Variants in MALRD1 observed in about 807,000 individuals in gnomAD.
MALRD1 encodes MAM and LDL receptor class A domain containing 1, also known as MAM and LDL-receptor class A domain-containing protein 1.
Under a neutral mutation model 242.1 loss-of-function variants are expected in MALRD1, and 247 were observed. That is an observed-to-expected ratio of 1.02 (90% CI 0.92 to 1.13). The LOEUF (loss-of-function observed/expected upper bound fraction) is 1.13. MALRD1 is among the 50% of genes most tolerant of loss of function. MALRD1 has a pLI of 0.00. For synonymous variants in MALRD1, 995 were observed against 866.6 expected (o/e 1.15, Z -2.60); for missense variants, 2,989 against 2,533.1 (o/e 1.18, Z -3.86).
intron 14 of MALRD1, among the ~76,000 whole-genome samples, chr10:19,196,685 G>GTAT (rs1474305532): frequency 1.3e-5 from 2 of 151,842 alleles, no homozygotes; most frequent in Non-Finnish European, 1.5e-5. Context: ...ATACCTAATA[G>GTAT]GAACAGCAAG....
chr10:19,656,727 G>A (rs1328613182), intron 36 of MALRD1, among the ~76,000 whole-genome samples: 2 of 152,138 alleles, frequency 1.3e-5, no homozygotes, highest in Non-Finnish European at 2.9e-5. Flanking sequence ...TGAGTGGTAT[G>A]ATGATTTTAG....
intron 28 of MALRD1, among the ~76,000 whole-genome samples, chr10:19,390,147 T>G (rs940524771): frequency 1.9e-4 from 29 of 152,236 alleles, no homozygotes; most frequent in African/African-American, 6.8e-4. Context: ...ACTCATTATA[T>G]AATAGTAATT....
At chr10:19,648,031 C>G (rs1840723822) in intron 36 of MALRD1, among the ~76,000 whole-genome samples, 1 of 152,010 alleles carries the variant, frequency 6.6e-6, no homozygotes, top group East Asian at 1.9e-4. Flanking sequence ...GCTGGAGCTA[C>G]TGGAATTTGC....
chr10:19,536,317 C>T (rs1834671028), intron 32 of MALRD1, among the ~76,000 whole-genome samples: 1 of 151,454 alleles, frequency 6.6e-6, no homozygotes, highest in Non-Finnish European at 1.5e-5. Flanking sequence ...TTCCAGCTCC[C>T]ATAGAACATG....
intron 36 of MALRD1, among the ~76,000 whole-genome samples, chr10:19,616,606 A>G (rs1839169464): frequency 6.6e-6 from 1 of 152,042 alleles, no homozygotes; most frequent in Non-Finnish European, 1.5e-5. Context: ...ACCAATGGAT[A>G]TATCACTTTC....
chr10:19,668,815 G>C (rs1841793996), intron 36 of MALRD1, among the ~76,000 whole-genome samples: 1 of 151,810 alleles, frequency 6.6e-6, no homozygotes, highest in African/African-American at 2.4e-5. Context: ...GGAAAAAAAA[G>C]AAAATTTAAG....
intron 36 of MALRD1, among the ~76,000 whole-genome samples, chr10:19,646,723 A>G (rs1840676843): frequency 6.6e-6 from 1 of 152,210 alleles, no homozygotes; most frequent in Non-Finnish European, 1.5e-5. Context: ...GACACTCAAA[A>G]CAGTGTCTGG....
At chr10:19,470,749 A>G (rs970235038) in intron 29 of MALRD1, among the ~76,000 whole-genome samples, 2 of 146,464 alleles carry the variant, frequency 1.4e-5, no homozygotes, top group African/African-American at 5.1e-5. Flanking sequence ...ATGTCCATTC[A>G]GGGTCTTTGG....
intron 28 of MALRD1, among the ~76,000 whole-genome samples, chr10:19,449,829 AC>A (rs1295760017): frequency 1.3e-5 from 2 of 152,168 alleles, no homozygotes; most frequent in Admixed American, 1.3e-4. Flanking sequence ...GTACCCCTGA[AC>A]CTAAAATAAA....
At chr10:19,583,730 T>C (rs1315571349) in intron 33 of MALRD1, among the ~76,000 whole-genome samples, 1 of 151,868 alleles carries the variant, frequency 6.6e-6, no homozygotes, top group African/African-American at 2.4e-5. Context: ...AGGATGATGC[T>C]GGCCTCATAA....
chr10:19,238,448 TTA>T (rs1564492445), intron 18 of MALRD1, among the ~76,000 whole-genome samples: 28 of 57,264 alleles, frequency 4.9e-4, no homozygotes, highest in African/African-American at 2.3e-3. Flanking sequence ...ATAATATACA[TTA>T]TATATAATAT....
chr10:19,109,252 G>C lies in MALRD1; in HGVS notation c.694+5177G>C, dbSNP rs538759100. 2.0e-3 allele frequency among the ~76,000 whole-genome samples: 299 copies of C among 152,272 alleles called. 3 individuals carry two copies. The highest frequency in any genetic ancestry group is 6.9e-3 in the African/African-American group (286 of 41,550). On this transcript the variant is annotated intron_variant, in intron 5 of 39. Coordinates refer to ENST00000454679, the MANE Select transcript of MALRD1 (RefSeq NM_001142308.3). Reference sequence around the variant, plus strand: ...TGAATGCCAAGTGTGCATGAGAGCTGTTCTATTACTGGGTCAAGCGTTACC... The same window carrying C: ...TGAATGCCAAGTGTGCATGAGAGCTCTTCTATTACTGGGTCAAGCGTTACC...
chr10:19,305,512 C>A (rs953739628), intron 21 of MALRD1, among the ~76,000 whole-genome samples: 1 of 151,118 alleles, frequency 6.6e-6, no homozygotes, highest in Non-Finnish European at 1.5e-5. Flanking sequence ...AAAAGTATTG[C>A]AAGTTTTCAA....
intron 23 of MALRD1, among the ~76,000 whole-genome samples, chr10:19,328,538 C>T (rs1269004833): frequency 4.6e-5 from 7 of 152,082 alleles, no homozygotes; most frequent in Admixed American, 3.3e-4. Flanking sequence ...GCTGGGGTAG[C>T]CAAGTTGGCT....
chr10:19,643,444 C>T (rs1026802707), intron 36 of MALRD1, among the ~76,000 whole-genome samples: 1 of 151,582 alleles, frequency 6.6e-6, no homozygotes, highest in African/African-American at 2.4e-5. Context: ...GAAACTCCGT[C>T]TCAAAAAAAA....
intron 13 of MALRD1, among the ~76,000 whole-genome samples, chr10:19,171,444 A>G (rs1246832232): frequency 7.7e-6 from 1 of 130,536 alleles, no homozygotes; most frequent in Non-Finnish European, 1.7e-5. Context: ...ATATATATAT[A>G]TATATATATA....
chr10:19,354,970 A>T (rs1330382541), intron 26 of MALRD1, among the ~76,000 whole-genome samples: 1 of 152,194 alleles, frequency 6.6e-6, no homozygotes, highest in African/African-American at 2.4e-5. Context: ...AAAATAAAAC[A>T]TTCAGCTGAG....
At chr10:19,282,583 G>A (rs1840870991) in intron 20 of MALRD1, among the ~76,000 whole-genome samples, 1 of 152,074 alleles carries the variant, frequency 6.6e-6, no homozygotes, top group African/African-American at 2.4e-5. Flanking sequence ...AAACTTTATA[G>A]GAAACAGGTC....
chr10:19,117,592 T>C lies in MALRD1; in HGVS notation c.695-5900T>C, dbSNP rs189187484. 1.4e-3 allele frequency among the ~76,000 whole-genome samples: 218 copies of C among 152,338 alleles called. 1 individual carries two copies. The highest frequency in any genetic ancestry group is 5.1e-3 in the African/African-American group (211 of 41,586). On this transcript the variant is annotated intron_variant, in intron 5 of 39. Coordinates refer to ENST00000454679, the MANE Select transcript of MALRD1 (RefSeq NM_001142308.3). ...AATCTACAAAAATTACAGTTTTAAT[T>C]GTTTCATGGTAATCGTTATTGTGCA...
Sources: gnomAD v4.1 joint callset for allele counts (sites outside exome capture counted in the v4.1 genomes callset) on GRCh38, gnomAD v4.1.1 for gene constraint, MANE v1.5 for transcripts, NCBI Gene and HGNC (gene_info 2026-07-23, HGNC 2026-07-21) for gene names.